Variants in CAMK1G observed in about 807,000 individuals in gnomAD.
The protein encoded by CAMK1G is calcium/calmodulin dependent protein kinase IG.
A neutral mutation model predicts 54.8 loss-of-function variants in CAMK1G; 27 were observed. The observed-to-expected ratio is 0.49, with a 90% CI of 0.36 to 0.68. The LOEUF is 0.68. Ranked by LOEUF, CAMK1G falls within the 30% of genes least tolerant of loss-of-function variation. CAMK1G has a pLI of 0.00. For missense variants in CAMK1G, 512 were observed against 591.0 expected (o/e 0.87, Z 1.39); for synonymous variants, 238 against 224.9 (o/e 1.06, Z -0.52).
At chr1:209,591,392 G>T (rs1047330024) in intron 1 of CAMK1G, among the ~76,000 whole-genome samples, 2 of 152,154 alleles carry the variant, frequency 1.3e-5, no homozygotes, top group Non-Finnish European at 2.9e-5. Flanking sequence ...TTATTATATA[G>T]CCAGGTTGCA....
rs1665283402 is a variant in CAMK1G, at chr1:209,592,526, C to G, written c.-29-2429C>G. Among the ~76,000 whole-genome samples the G allele has an allele frequency of 2.0e-5, 3 of 152,122 alleles. No individual in the cohort carries two copies. In the South Asian group the frequency reaches 6.2e-4, roughly 32 times the overall value. ...AACTCACCTCCTCCCTCGAGGCCTC[C>G]CCATGATTCCTCACTGCCCTGTTAG... On this transcript the variant is annotated intron_variant, in intron 1 of 12. Transcript: ENST00000361322.
At position 209,613,271 on chromosome 1, in the gene CAMK1G, A is replaced by G. The variant is rs1665832134; in HGVS notation, c.*269A>G. ...GCCCACCAGCTTCCAGGTCTCCCTG[A>G]CCTGCCTGCTCTATGCCCCACACCC... On this transcript the variant is annotated 3_prime_UTR_variant, in exon 13 of 13. Coordinates refer to ENST00000361322, the MANE Select transcript of CAMK1G (RefSeq NM_020439.3). 8.8e-6 allele frequency: 2 copies of G among 227,946 alleles called. No homozygotes were observed. Among genetic ancestry groups the G allele is most frequent in the African/African-American group, 4.4e-5 (2 of 45,082 alleles). The allele number at this position is 227,946 out of a possible 1,614,324, so 14.1% of individuals were successfully genotyped here.
chr1:209,607,849 C>G lies in CAMK1G; in HGVS notation c.560-9C>G. On this transcript the variant is annotated splice_polypyrimidine_tract_variant and intron_variant, in intron 6 of 12. Coordinates refer to ENST00000361322, the MANE Select transcript of CAMK1G (RefSeq NM_020439.3). ...CACCAGCCCTGACTCTGCCCTTGGTCTGCTGCAGCTCCAGAAGTGCTGGCC... is the reference window on the plus strand; with the variant it reads ...CACCAGCCCTGACTCTGCCCTTGGTGTGCTGCAGCTCCAGAAGTGCTGGCC... 6.2e-7 allele frequency: 1 copy of G among 1,611,186 alleles called. No homozygotes were observed. The highest frequency in any genetic ancestry group is 8.5e-7 in the Non-Finnish European group (1 of 1,178,578).
chr1:209,605,724 A>G, intron 5 of CAMK1G, 50 bp downstream of exon 5: 1 of 1,572,098 alleles, frequency 6.4e-7, no homozygotes, highest in South Asian at 1.1e-5. Flanking sequence ...CCCTTAAGGA[A>G]GCTGCATGGG....
At chr1:209,600,965 T>C (rs1293660623) in intron 3 of CAMK1G, among the ~76,000 whole-genome samples, 2 of 152,180 alleles carry the variant, frequency 1.3e-5, no homozygotes, top group Non-Finnish European at 2.9e-5. Flanking sequence ...ATTTAGAGTA[T>C]ATAGTATTAA....
intron 1 of CAMK1G, among the ~76,000 whole-genome samples, chr1:209,592,453 G>A (rs925398857): frequency 3.3e-5 from 5 of 151,698 alleles, no homozygotes; most frequent in East Asian, 1.9e-4. Context: ...GACATGAGCC[G>A]GCCCTGGGGA....
At chr1:209,604,074 G>A (rs80233891) in intron 4 of CAMK1G, among the ~76,000 whole-genome samples, 20,985 of 152,128 alleles carry the variant, frequency 0.14, 1,518 homozygotes, top group Middle Eastern at 0.17. Context: ...AGACATACAC[G>A]CACTCACACA....
At chr1:209,584,975 C>A (rs1173505555) in intron 1 of CAMK1G, among the ~76,000 whole-genome samples, 3 of 152,150 alleles carry the variant, frequency 2.0e-5, no homozygotes, top group Non-Finnish European at 4.4e-5. Flanking sequence ...GATGGTGTGG[C>A]ATGTATTATT....
intron 5 of CAMK1G, 123 bp downstream of exon 5, chr1:209,605,797 T>A (rs1665632903): frequency 3.3e-6 from 3 of 915,482 alleles, no homozygotes; most frequent in Non-Finnish European, 4.8e-6. Context: ...AGGCCCCTTC[T>A]GCCCTTAGAT....
chr1:209,601,772 T>C (rs1665531647), intron 3 of CAMK1G, among the ~76,000 whole-genome samples: 1 of 152,240 alleles, frequency 6.6e-6, no homozygotes, highest in African/African-American at 2.4e-5. Context: ...TAGCTACTAT[T>C]GATTATGTGT....
intron 1 of CAMK1G, among the ~76,000 whole-genome samples, chr1:209,585,786 G>A (rs2102378091): frequency 6.6e-6 from 1 of 152,364 alleles, no homozygotes; most frequent in South Asian, 2.1e-4. Flanking sequence ...TGCCACACGA[G>A]TGCGCGCGAG....
intron 7 of CAMK1G, among the ~76,000 whole-genome samples, chr1:209,608,643 C>T (rs907603661): frequency 2.0e-5 from 3 of 152,198 alleles, no homozygotes; most frequent in Non-Finnish European, 2.9e-5. Context: ...CTTCATCAAG[C>T]TTACATTCAA....
intron 6 of CAMK1G, among the ~76,000 whole-genome samples, chr1:209,606,764 C>T (rs945773855): frequency 6.6e-6 from 1 of 152,138 alleles, no homozygotes; most frequent in Non-Finnish European, 1.5e-5. Flanking sequence ...ATCACAAACC[C>T]AGAGATCAGC....
intron 2 of CAMK1G, among the ~76,000 whole-genome samples, chr1:209,598,362 G>A (rs145809268): frequency 5.3e-5 from 8 of 152,184 alleles, no homozygotes; most frequent in South Asian, 4.1e-4. Flanking sequence ...ATTGAGAGAC[G>A]AGTCTTTTTG....
chr1:209,607,241 C>T (rs146453618), intron 6 of CAMK1G, among the ~76,000 whole-genome samples: 61 of 152,286 alleles, frequency 4.0e-4, no homozygotes, highest in Non-Finnish European at 4.9e-4. Context: ...GCAAGAAATA[C>T]AGAAGGCAGC....
rs532028680 is a variant in CAMK1G, at chr1:209,588,121, C to T, written c.-30+4349C>T. On this transcript the variant is annotated intron_variant, in intron 1 of 12. Transcript: ENST00000361322. The stretch of plus-strand genomic sequence containing the variant: ...CCCCAGAGTGATTCATGCCTCCTTG[C>T]TCAGAAGCCCCTAGTGACAGCACCA... 5.1e-4 allele frequency among the ~76,000 whole-genome samples: 77 copies of T among 152,324 alleles called. 1 individual carries two copies. The highest frequency in any genetic ancestry group is 1.7e-3 in the African/African-American group (70 of 41,574).
Position 209,612,842 on chromosome 1 carries a change from G to A in CAMK1G, c.1398G>A (p.Arg466=). The change falls in exon 12 of 13, where the codon CGG becomes CGA. Residue 466 remains arginine (R), a synonymous_variant. Coordinates refer to ENST00000361322, the MANE Select transcript of CAMK1G (RefSeq NM_020439.3). ...PVKASGSSHC[R]AGQTGVCLIM ...AAGCCAGTGGCAGCTCCCACTGCCG[G>A]GCAGGGCAGACTGGAGTCTGTCTCA... The A allele has an allele frequency of 6.2e-7, 1 of 1,613,746 alleles. No homozygotes were observed. The highest frequency in any genetic ancestry group is 8.5e-7 in the Non-Finnish European group (1 of 1,179,674).
At chr1:209,606,562 G>A (rs1665655064) in intron 6 of CAMK1G, 119 bp downstream of exon 6, 1 of 1,121,228 alleles carries the variant, frequency 8.9e-7, no homozygotes, top group Non-Finnish European at 1.3e-6. Flanking sequence ...TATCCTGGTA[G>A]GACATCCACT....
intron 9 of CAMK1G, among the ~76,000 whole-genome samples, chr1:209,610,130 GC>G (rs1319039197): frequency 1.3e-5 from 2 of 152,164 alleles, no homozygotes; most frequent in Non-Finnish European, 2.9e-5. Context: ...TGCAAGGGTA[GC>G]AGCTGGGTTG....
Sources: allele counts gnomAD v4.1 joint callset (sites outside exome capture counted in the v4.1 genomes callset), GRCh38; gene constraint gnomAD v4.1.1; transcripts MANE v1.5; gene names NCBI Gene and HGNC (gene_info 2026-07-23, HGNC 2026-07-21).